The following RPL38 variants were observed in gnomAD, a reference collection of about 807,000 sequenced individuals.
RPL38 encodes large ribosomal subunit protein eL38.
Under a neutral mutation model 12.8 loss-of-function variants are expected in RPL38, and 2 were observed. The ratio of observed to expected loss-of-function variants is 0.16; its 90% CI spans 0.06 to 0.49. RPL38 has a LOEUF of 0.49. RPL38 is among the 20% of genes least tolerant of loss of function. The probability of loss-of-function intolerance (pLI) is 0.96; values close to 1 mark genes in which losing one functional copy is unlikely to be tolerated. For missense variants in RPL38, 52 were observed against 79.8 expected, an observed-to-expected ratio of 0.65 and a Z score of 1.33; for synonymous variants, 42 against 30.1, an observed-to-expected ratio of 1.39 and a Z score of -1.29.
rs1021222851 is a variant in RPL38, at chr17:74,203,887, C to T, written c.-38-31C>T. 3 of 1,537,970 alleles carry T rather than the reference C, an allele frequency of 2.0e-6. No homozygotes were observed. The African/African-American group carries it at 4.1e-5, about 21-fold the overall frequency. On this transcript the variant is annotated intron_variant, in intron 1 of 4. Transcript: ENST00000311111. ...ACGGGGTTCGCTGCCAGCCCCCGCG[C>T]CGTGTTAACGCCGAGGACTGTTTCC...
Position 74,209,318 on chromosome 17 carries a change from G to T in RPL38, c.187+9G>T, listed in dbSNP as rs999662904. The T allele has an allele frequency of 7.4e-6, 12 of 1,613,738 alleles. No individual in the cohort carries two copies. The highest frequency in any genetic ancestry group is 6.8e-6 in the Non-Finnish European group (8 of 1,179,872). ...GCAGTCCCTGCCCCCCGGTGAGTGA[G>T]CCTGAAGTCACTTCAGGGGCGGGTG... On this transcript the variant is annotated intron_variant, in intron 4 of 4. Transcript: ENST00000311111.
At chr17:74,209,595 A>C (rs977357794) in intron 4 of RPL38, 3 of 621,738 alleles carry the variant, frequency 4.8e-6, no homozygotes, top group African/African-American at 3.8e-5. Context: ...TTACAGGGGA[A>C]CAGATGAAAT....
At chr17:74,206,708 C>CTTTTTTTTT (rs35333460) in intron 3 of RPL38, among the ~76,000 whole-genome samples, 20 of 101,594 alleles carry the variant, frequency 2.0e-4, no homozygotes, top group South Asian at 6.1e-4. Flanking sequence ...TTTTTTCTTT[C>CTTTTTTTTT]TTTTTTTTTT....
Position 74,209,879 on chromosome 17 carries a change from A to C in RPL38, c.*50A>C, listed in dbSNP as rs780328442. On this transcript the variant is annotated 3_prime_UTR_variant, in exon 5 of 5. Coordinates refer to ENST00000311111, the MANE Select transcript of RPL38 (RefSeq NM_000999.4). ...ATTATATTAAAATACTAAAAATCCTAAGTGTCTTTCGTCTTTGCGGATGGG... is the reference window on the plus strand; with the variant it reads ...ATTATATTAAAATACTAAAAATCCTCAGTGTCTTTCGTCTTTGCGGATGGG... 3 of 1,512,296 alleles carry C rather than the reference A, an allele frequency of 2.0e-6. No homozygotes were observed. The highest frequency in any genetic ancestry group is 2.8e-6 in the Non-Finnish European group (3 of 1,088,736). The allele number at this position is 1,512,296 out of a possible 1,614,324, so 93.7% of individuals were successfully genotyped here.
At chr17:74,206,487 A>G (rs1341285431) in intron 3 of RPL38, among the ~76,000 whole-genome samples, 1 of 152,118 alleles carries the variant, frequency 6.6e-6, no homozygotes, top group African/African-American at 2.4e-5. Context: ...ATCACCGCCC[A>G]TCTCCAGAAC....
intron 3 of RPL38, among the ~76,000 whole-genome samples, chr17:74,207,533 A>AT (rs200923343): frequency 0.012 from 1,739 of 148,386 alleles, 30 homozygotes; most frequent in African/African-American, 0.037. Context: ...TTTTTTATTT[A>AT]TTTTTTTTTT....
intron 3 of RPL38, 173 bp downstream of exon 3, chr17:74,204,363 CG>C: frequency 1.6e-6 from 1 of 613,832 alleles, no homozygotes; most frequent in South Asian, 2.0e-5. Flanking sequence ...GTGGGGGGCA[CG>C]TTGAGGCCCT....
intron 3 of RPL38, among the ~76,000 whole-genome samples, chr17:74,207,490 TTGC>T (rs778765518): frequency 2.6e-5 from 4 of 152,192 alleles, no homozygotes; most frequent in Non-Finnish European, 5.9e-5. Context: ...AGAAATGGAA[TTGC>T]TGCACATATG....
chr17:74,204,361 C>A, intron 3 of RPL38, 171 bp downstream of exon 3: 1 of 616,480 alleles, frequency 1.6e-6, no homozygotes, highest in Non-Finnish European at 2.9e-6. Flanking sequence ...CTGTGGGGGG[C>A]ACGTTGAGGC....
At chr17:74,207,401 G>A (rs1242792069) in intron 3 of RPL38, among the ~76,000 whole-genome samples, 1 of 152,162 alleles carries the variant, frequency 6.6e-6, no homozygotes, top group Non-Finnish European at 1.5e-5. Flanking sequence ...CTACATTTTC[G>A]CTAGTGTGAA....
intron 2 of RPL38, 44 bp downstream of exon 2, chr17:74,204,002 G>A: frequency 1.9e-6 from 3 of 1,612,874 alleles, no homozygotes; most frequent in South Asian, 1.1e-5. Context: ...GTGGGCTCGT[G>A]GGGCCCCGGG....
At chr17:74,204,218 A>G in intron 3 of RPL38, 28 bp downstream of exon 3, 1 of 1,609,812 alleles carries the variant, frequency 6.2e-7, no homozygotes, top group Non-Finnish European at 8.5e-7. Flanking sequence ...AGGTTCAAGA[A>G]GAGCGGTGCC....
At position 74,203,955 on chromosome 17, in the gene RPL38, C is replaced by T. The variant is rs748624308; in HGVS notation, c.-1C>T. 8 of 1,609,898 alleles carry T rather than the reference C, an allele frequency of 5.0e-6. No homozygotes were observed. The African/African-American group carries it at 5.3e-5, about 11-fold the overall frequency. Reference sequence around the variant, plus strand: ...GCCAGAGCCCAGCGCGCCTCGTCGCCATGGTGAGTACAGTCCCTGCCTGGC... The same window carrying T: ...GCCAGAGCCCAGCGCGCCTCGTCGCTATGGTGAGTACAGTCCCTGCCTGGC... On this transcript the variant is annotated 5_prime_UTR_variant, in exon 2 of 5. Coordinates refer to ENST00000311111, the MANE Select transcript of RPL38 (RefSeq NM_000999.4).
intron 3 of RPL38, chr17:74,206,089 A>G (rs1272207727): frequency 6.6e-6 from 1 of 152,238 alleles, no homozygotes; most frequent in Non-Finnish European, 1.5e-5. Context: ...CCCTGGGGAC[A>G]GTAAAGTGTC....
intron 3 of RPL38, chr17:74,205,328 G>C (rs2050103009): frequency 6.6e-6 from 1 of 152,198 alleles, no homozygotes; most frequent in East Asian, 1.9e-4. Context: ...CTGAGAATCA[G>C]GTCACATGTG....
chr17:74,205,854 T>C (rs535064408), intron 3 of RPL38: 1 of 152,172 alleles, frequency 6.6e-6, no homozygotes, highest in Admixed American at 6.5e-5. Context: ...ACCCCATTTC[T>C]ACTAAAAATA....
intron 3 of RPL38, among the ~76,000 whole-genome samples, chr17:74,207,130 G>T (rs1295657259): frequency 6.6e-6 from 1 of 152,038 alleles, no homozygotes; most frequent in Non-Finnish European, 1.5e-5. Context: ...TCCCACCTTA[G>T]CCTCCAGAGT....
At chr17:74,209,725 C>T in intron 4 of RPL38, 79 bp from the exon 5 acceptor site, 1 of 1,264,508 alleles carries the variant, frequency 7.9e-7, no homozygotes, top group South Asian at 1.2e-5. Flanking sequence ...CTCTCTTTAG[C>T]TTAAGTACAA....
In RPL38 at chr17:74,204,089, G is replaced by C. The variant is rs372800150; in HGVS notation, c.4-41G>C. 4.3e-6 allele frequency: 7 copies of C among 1,613,096 alleles called. No homozygotes were observed. In the South Asian group the frequency reaches 6.6e-5, roughly 15 times the overall value. On this transcript the variant is annotated intron_variant, in intron 2 of 4. Coordinates refer to ENST00000311111, the MANE Select transcript of RPL38 (RefSeq NM_000999.4). ...GGACTGGGCCATCGCCGGGAGACGT[G>C]TCTCTTTCCTCTCTGTTCACCCGCT...
Sources: allele counts gnomAD v4.1 joint callset (sites outside exome capture counted in the v4.1 genomes callset), GRCh38; gene constraint gnomAD v4.1.1; transcripts MANE v1.5; gene names NCBI Gene and HGNC (gene_info 2026-07-23, HGNC 2026-07-21).